Variants in ARHGAP15 observed in about 807,000 individuals in gnomAD.
The protein encoded by ARHGAP15 is rho GTPase-activating protein 15.
In ARHGAP15, 51 loss-of-function variants were observed where a neutral mutation model predicts 63.7. The ratio of observed to expected loss-of-function variants is 0.80; its 90% CI spans 0.64 to 1.01. The LOEUF (loss-of-function observed/expected upper bound fraction) is 1.01. Ranked by LOEUF, ARHGAP15 falls within the 50% of genes least tolerant of loss-of-function variation. The probability of loss-of-function intolerance (pLI) is 0.00; values close to 1 mark genes in which losing one functional copy is unlikely to be tolerated. For missense variants in ARHGAP15, 560 were observed against 564.6 expected (o/e 0.99, Z 0.08); for synonymous variants, 191 against 193.8 (o/e 0.99, Z 0.12).
At chr2:143,525,973 C>G (rs1043114398) in intron 10 of ARHGAP15, among the ~76,000 whole-genome samples, 4 of 152,108 alleles carry the variant, frequency 2.6e-5, no homozygotes, top group Non-Finnish European at 5.9e-5. Context: ...CTAGTGAAAA[C>G]ATTGCCATCT....
chr2:143,600,082 G>T (rs1468696426), intron 11 of ARHGAP15, among the ~76,000 whole-genome samples: 1 of 152,128 alleles, frequency 6.6e-6, no homozygotes, highest in African/African-American at 2.4e-5. Context: ...TAGAGTCATG[G>T]ATGGTACTAA....
At chr2:143,134,550 T>C (rs1689052808) in intron 1 of ARHGAP15, among the ~76,000 whole-genome samples, 1 of 152,168 alleles carries the variant, frequency 6.6e-6, no homozygotes, top group African/African-American at 2.4e-5. Flanking sequence ...TTAGTGACTT[T>C]AGTGACACTC....
chr2:143,251,655 ATTT>A (rs998213305), intron 6 of ARHGAP15, among the ~76,000 whole-genome samples: 4 of 152,150 alleles, frequency 2.6e-5, no homozygotes, highest in African/African-American at 9.6e-5. Context: ...AGGTATAGAG[ATTT>A]TTTATCAAAC....
At chr2:143,522,971 TA>T (rs1694118317) in intron 10 of ARHGAP15, among the ~76,000 whole-genome samples, 1 of 152,140 alleles carries the variant, frequency 6.6e-6, no homozygotes, top group Admixed American at 6.6e-5. Flanking sequence ...AGACCTGAAG[TA>T]AACAAAGTAT....
At chr2:143,136,035 C>T (rs1246417335) in intron 1 of ARHGAP15, among the ~76,000 whole-genome samples, 2 of 152,122 alleles carry the variant, frequency 1.3e-5, no homozygotes, top group Non-Finnish European at 2.9e-5. Context: ...AAGCAAATCT[C>T]CTAATTACTG....
At chr2:143,715,591 G>A (rs760652668) in intron 13 of ARHGAP15, among the ~76,000 whole-genome samples, 7 of 152,094 alleles carry the variant, frequency 4.6e-5, no homozygotes, top group African/African-American at 7.2e-5. Context: ...TTGTAAATTC[G>A]TTTAAGTACC....
chr2:143,142,802 A>G (rs1689425275), intron 1 of ARHGAP15, among the ~76,000 whole-genome samples: 1 of 152,134 alleles, frequency 6.6e-6, no homozygotes, highest in Admixed American at 6.6e-5. Flanking sequence ...GCTTGGTTGC[A>G]TAACCCATTT....
intron 6 of ARHGAP15, among the ~76,000 whole-genome samples, chr2:143,359,419 T>C (rs937166260): frequency 6.6e-6 from 1 of 152,218 alleles, no homozygotes; most frequent in Non-Finnish European, 1.5e-5. Flanking sequence ...TCCCCCTTTT[T>C]CTATTGCCTC....
At chr2:143,393,457 G>A (rs373307287) in intron 6 of ARHGAP15, among the ~76,000 whole-genome samples, 3 of 152,020 alleles carry the variant, frequency 2.0e-5, no homozygotes, top group Admixed American at 2.0e-4. Flanking sequence ...AAGTGAGCTG[G>A]GCACGGTGGC....
At position 143,673,602 on chromosome 2, in the gene ARHGAP15, A is replaced by G. The variant is rs147358074; in HGVS notation, c.1139-29817A>G. Among the ~76,000 whole-genome samples, 600 of 151,210 alleles carry G rather than the reference A, an allele frequency of 4.0e-3. 5 individuals carry two copies. Among genetic ancestry groups the G allele is most frequent in the African/African-American group, 0.014 (572 of 41,284 alleles). On this transcript the variant is annotated intron_variant, in intron 12 of 13. Transcript: ENST00000295095. The stretch of plus-strand genomic sequence containing the variant: ...TGTGAGCCACCACACCCGGCCTACC[A>G]CAATCTTAATGTAAAAATATAAATT...
intron 12 of ARHGAP15, among the ~76,000 whole-genome samples, chr2:143,652,358 A>G (rs1034163133): frequency 3.9e-5 from 6 of 152,100 alleles, no homozygotes; most frequent in Non-Finnish European, 7.4e-5. Context: ...TTACAAAAGA[A>G]GGCAACAAGC....
chr2:143,494,814 C>T (rs1365641056), intron 9 of ARHGAP15, among the ~76,000 whole-genome samples: 1 of 152,150 alleles, frequency 6.6e-6, no homozygotes, highest in Non-Finnish European at 1.5e-5. Context: ...TAATCCCATA[C>T]CTCAAATATC....
At chr2:143,155,061 C>G (rs113323647) in intron 1 of ARHGAP15, among the ~76,000 whole-genome samples, 2,685 of 151,812 alleles carry the variant, frequency 0.018, 39 homozygotes, top group Middle Eastern at 0.031. Context: ...TTTTTGTTCA[C>G]CAAGAATGGG....
chr2:143,351,879 G>A (rs1685590117), intron 6 of ARHGAP15, among the ~76,000 whole-genome samples: 1 of 152,084 alleles, frequency 6.6e-6, no homozygotes, highest in South Asian at 2.1e-4. Context: ...ACTCCAGGAA[G>A]TAACATAGAT....
At chr2:143,237,333 G>T (rs1314863132) in intron 5 of ARHGAP15, 1 of 152,170 alleles carries the variant, frequency 6.6e-6, no homozygotes, top group East Asian at 1.9e-4. Flanking sequence ...TAAAACGGCT[G>T]TGTGTCATCA....
At position 143,612,918 on chromosome 2, in the gene ARHGAP15, T is replaced by G. The variant is rs150650935; in HGVS notation, c.1004-11215T>G. Among the ~76,000 whole-genome samples the G allele has an allele frequency of 5.0e-3, 759 of 152,338 alleles. 6 individuals carry two copies. Among genetic ancestry groups the G allele is most frequent in the African/African-American group, 0.017 (711 of 41,584 alleles). ...CCTGCATGTGAGGCACTTAGAATAG[T>G]GCCTGAGAAGTGCTCAACTATTATT... On this transcript the variant is annotated intron_variant, in intron 11 of 13. Transcript: ENST00000295095.
chr2:143,348,263 T>G (rs1214137119), intron 6 of ARHGAP15, among the ~76,000 whole-genome samples: 1 of 152,182 alleles, frequency 6.6e-6, no homozygotes, highest in Non-Finnish European at 1.5e-5. Context: ...AAAGTTGAAT[T>G]TTATGCCTCA....
At chr2:143,736,784 T>A (rs1278981421) in intron 13 of ARHGAP15, among the ~76,000 whole-genome samples, 1 of 152,202 alleles carries the variant, frequency 6.6e-6, no homozygotes, top group East Asian at 1.9e-4. Context: ...TGGAAGCTAT[T>A]GTCATATGAA....
At chr2:143,167,755 A>G (rs1690603347) in intron 2 of ARHGAP15, among the ~76,000 whole-genome samples, 1 of 152,150 alleles carries the variant, frequency 6.6e-6, no homozygotes, top group Non-Finnish European at 1.5e-5. Flanking sequence ...TGATGGGTCT[A>G]AACAGGGGTT....
Sources: allele counts gnomAD v4.1 joint callset (sites outside exome capture counted in the v4.1 genomes callset), GRCh38; gene constraint gnomAD v4.1.1; transcripts MANE v1.5; gene names NCBI Gene and HGNC (gene_info 2026-07-23, HGNC 2026-07-21).